CSMD3: variants seen among roughly 807,000 people sequenced by gnomAD.
CSMD3 encodes the protein CUB and sushi domain-containing protein 3.
In CSMD3, 177 loss-of-function variants were observed where a neutral mutation model predicts 435.2. That is an observed-to-expected ratio of 0.41 (90% confidence interval 0.36 to 0.46). The LOEUF (loss-of-function observed/expected upper bound fraction) is 0.46. Ranked by LOEUF, CSMD3 falls within the 20% of genes least tolerant of loss-of-function variation. The pLI is 0.34. For missense variants in CSMD3, 4,265 were observed against 4,504.6 expected, an observed-to-expected ratio of 0.95 and a Z score of 1.52; for synonymous variants, 1,656 against 1,520.5, an observed-to-expected ratio of 1.09 and a Z score of -2.07.
At chr8:112,725,128 T>C (rs2076936455) in intron 13 of CSMD3, among the ~76,000 whole-genome samples, 1 of 152,008 alleles carries the variant, frequency 6.6e-6, no homozygotes. Context: ...TGGCAATAAC[T>C]GGCAGGGAAA....
chr8:112,336,827 G>A lies in CSMD3; in HGVS notation c.6844C>T (p.Leu2282Phe), dbSNP rs1824611369. The A allele has an allele frequency of 6.2e-7, 1 of 1,612,008 alleles. No homozygotes were observed. The highest frequency in any genetic ancestry group is 2.2e-5 in the East Asian group (1 of 44,758). Reference sequence around the variant, plus strand: ...ATTGCAGTTATATTCCCACCACAAAGAGCTACGGAAAAAGTCACAAAACAA... The same window carrying A: ...ATTGCAGTTATATTCCCACCACAAAAAGCTACGGAAAAAGTCACAAAACAA... ...WNHPLPRCEA[L>F]CGGNITAMNG... is the part of the protein sequence containing the mutation. Residue 2282 changes from leucine to phenylalanine, a missense_variant and splice_region_variant, in exon 44 of 71, where the codon CTT becomes TTT. Physicochemically the swap from Leu to Phe is conservative, Grantham distance 22 (BLOSUM62 0). This residue lies in a region of CSMD3 where 3,255 missense variants were observed against 3,380.2 expected (regional missense o/e 0.96). Coordinates refer to ENST00000297405, the MANE Select transcript of CSMD3 (RefSeq NM_198123.2).
chr8:112,380,202 T>G (rs1371242561), intron 38 of CSMD3, 150 bp downstream of exon 38: 1 of 545,846 alleles, frequency 1.8e-6, no homozygotes, highest in Non-Finnish European at 3.3e-6. Flanking sequence ...ATTTTGCAAT[T>G]GAACTGAAGT....
Position 113,110,086 on chromosome 8 carries a change from A to G in CSMD3, c.710-11123T>C, listed in dbSNP as rs148909471. 8.5e-3 allele frequency among the ~76,000 whole-genome samples: 1,292 copies of G among 152,252 alleles called. 21 individuals are homozygous for G. The highest frequency in any genetic ancestry group is 0.029 in the African/African-American group (1,211 of 41,540). ...GCCTTATGATGGGAATGGCAGCCCC[A>G]TGATCTCCAAATTGCCTTTGACATC... On this transcript the variant is annotated intron_variant, in intron 4 of 70. Transcript: ENST00000297405.
chr8:113,318,357 A>G (rs2093925310), intron 1 of CSMD3, among the ~76,000 whole-genome samples: 1 of 152,186 alleles, frequency 6.6e-6, no homozygotes, highest in African/African-American at 2.4e-5. Context: ...TGGAACACAT[A>G]CAGAGAGTAA....
At chr8:112,405,210 CCCCCAT>C (rs1563904084) in intron 35 of CSMD3, among the ~76,000 whole-genome samples, 1 of 32,520 alleles carries the variant, frequency 3.1e-5, no homozygotes, top group Non-Finnish European at 4.9e-5. Context: ...AAAAAAAAAA[CCCCCAT>C]ATATATATAT....
chr8:112,515,057 T>C (rs966267329), intron 28 of CSMD3, among the ~76,000 whole-genome samples: 1 of 152,108 alleles, frequency 6.6e-6, no homozygotes, highest in Admixed American at 6.6e-5. Flanking sequence ...GCTTTTTTTT[T>C]TCTAGAATAG....
intron 13 of CSMD3, among the ~76,000 whole-genome samples, chr8:112,699,227 C>A (rs2076330297): frequency 1.3e-5 from 2 of 152,292 alleles, no homozygotes; most frequent in South Asian, 4.1e-4. Flanking sequence ...GTAACACTCA[C>A]TGCAAAAGTC....
chr8:112,287,428 A>T (rs1040109281), intron 57 of CSMD3, among the ~76,000 whole-genome samples, 182 bp from the exon 58 acceptor site: 1 of 152,094 alleles, frequency 6.6e-6, no homozygotes, highest in Non-Finnish European at 1.5e-5. Flanking sequence ...TAAATGAAAA[A>T]GAAAATAGTT....
intron 32 of CSMD3, 74 bp from the exon 33 acceptor site, chr8:112,409,106 G>C (rs1832110157): frequency 6.2e-7 from 1 of 1,604,040 alleles, no homozygotes; most frequent in East Asian, 2.2e-5. Context: ...CAAAAAAATA[G>C]AAAGAGGAGG....
intron 1 of CSMD3, among the ~76,000 whole-genome samples, chr8:113,368,124 C>T (rs2094324639): frequency 6.6e-6 from 1 of 152,122 alleles, no homozygotes; most frequent in South Asian, 2.1e-4. Context: ...TTTCTTTTCT[C>T]ACATAATTTT....
At chr8:112,277,423 C>T (rs1384470786) in intron 59 of CSMD3, among the ~76,000 whole-genome samples, 4 of 152,170 alleles carry the variant, frequency 2.6e-5, no homozygotes, top group Non-Finnish European at 5.9e-5. Context: ...ACTATCTCAG[C>T]CTGGATTTCA....
chr8:112,769,449 C>G (rs1445926688), intron 13 of CSMD3, among the ~76,000 whole-genome samples: 1 of 151,864 alleles, frequency 6.6e-6, no homozygotes, highest in Non-Finnish European at 1.5e-5. Flanking sequence ...TTGATATTAG[C>G]CACATTTCAG....
intron 29 of CSMD3, among the ~76,000 whole-genome samples, chr8:112,505,954 A>G (rs1346553927): frequency 1.3e-5 from 2 of 152,126 alleles, no homozygotes; most frequent in Admixed American, 1.3e-4. Context: ...GAATAATTTT[A>G]TATGTAAACT....
intron 5 of CSMD3, among the ~76,000 whole-genome samples, chr8:113,048,123 C>T (rs1395793048): frequency 2.1e-5 from 3 of 145,874 alleles, no homozygotes; most frequent in Non-Finnish European, 4.5e-5. Flanking sequence ...GACCGAGTCT[C>T]GCTCTGTCGC....
chr8:112,922,112 T>G (rs1320705538), intron 9 of CSMD3, among the ~76,000 whole-genome samples: 1 of 152,122 alleles, frequency 6.6e-6, no homozygotes, highest in African/African-American at 2.4e-5. Context: ...CAGATGTGTC[T>G]CTACATGTGT....
intron 63 of CSMD3, among the ~76,000 whole-genome samples, chr8:112,248,966 G>A (rs567732080): frequency 6.6e-6 from 1 of 152,064 alleles, no homozygotes; most frequent in African/African-American, 2.4e-5. Context: ...AGAGTCCCCT[G>A]ACTTGTGCTC....
intron 35 of CSMD3, among the ~76,000 whole-genome samples, chr8:112,403,075 C>T (rs1264494896): frequency 6.6e-6 from 1 of 152,138 alleles, no homozygotes; most frequent in Non-Finnish European, 1.5e-5. Context: ...AACATTAAGT[C>T]CAGCTGATTT....
At chr8:112,518,112 T>C (rs1823873027) in intron 27 of CSMD3, among the ~76,000 whole-genome samples, 2 of 152,208 alleles carry the variant, frequency 1.3e-5, no homozygotes, top group Admixed American at 6.5e-5. Flanking sequence ...ATGACTTGGA[T>C]GAATTTGAAG....
chr8:112,737,995 T>G (rs78745708), intron 13 of CSMD3, among the ~76,000 whole-genome samples: 2 of 151,892 alleles, frequency 1.3e-5, no homozygotes, highest in Non-Finnish European at 2.9e-5. Flanking sequence ...TGTGATTACA[T>G]TCTGATGATA....
Sources: allele counts gnomAD v4.1 joint callset (sites outside exome capture counted in the v4.1 genomes callset), GRCh38; gene constraint gnomAD v4.1.1; regional missense constraint gnomAD v4.1.1; transcripts MANE v1.5; gene names NCBI Gene and HGNC (gene_info 2026-07-23, HGNC 2026-07-21).